Variants in MAPK6 observed in about 807,000 individuals in gnomAD.
MAPK6 encodes the protein ERK-3.
A neutral mutation model predicts 59.3 loss-of-function variants in MAPK6; 19 were observed. The observed-to-expected ratio is 0.32, with a 90% confidence interval of 0.22 to 0.47. The LOEUF (loss-of-function observed/expected upper bound fraction) is 0.47. MAPK6 is among the 20% of genes least tolerant of loss of function. The pLI, the probability that MAPK6 is intolerant of heterozygous loss-of-function variation, is 1.00. For synonymous variants in MAPK6, 316 were observed against 290.3 expected (o/e 1.09, Z -0.90); for missense variants, 724 against 847.9 (o/e 0.85, Z 1.81).
intron 3 of MAPK6, among the ~76,000 whole-genome samples, chr15:52,007,942 G>T (rs1425153747): frequency 6.6e-6 from 1 of 151,572 alleles, no homozygotes; most frequent in Non-Finnish European, 1.5e-5. Flanking sequence ...CACCTCCCAG[G>T]TTTAAGTGAT....
intron 4 of MAPK6, among the ~76,000 whole-genome samples, chr15:52,059,012 C>G (rs1260252628): frequency 1.3e-5 from 2 of 152,150 alleles, no homozygotes; most frequent in South Asian, 2.1e-4. Flanking sequence ...GAATCACTTT[C>G]CAGAGCAAGT....
exon 1 of MAPK6, chr15:51,971,865 T>C (rs2057127978): frequency 9.2e-7 from 1 of 1,092,602 alleles, no homozygotes. Flanking sequence ...TTTCCTTACG[T>C]GACCTAGTTT....
Position 52,054,984 on chromosome 15 carries a change from T to C in MAPK6, c.701-3649T>C, listed in dbSNP as rs573773578. ...TGTATTTTTAGTAGTTTCACCCTTT[T>C]GGCCAGGCCGGTCTCAAATTCCTGA... On this transcript the variant is annotated intron_variant, in intron 3 of 5. Transcript: ENST00000261845. 2.0e-5 allele frequency among the ~76,000 whole-genome samples: 3 copies of C among 152,292 alleles called. No homozygotes were observed. In the East Asian group the frequency reaches 5.8e-4, roughly 29 times the overall value.
In MAPK6 at chr15:51,978,370, G is replaced by A. The variant is rs536030605; in HGVS notation, c.-879-4836G>A. Among the ~76,000 whole-genome samples, 9 of 152,008 alleles carry A rather than the reference G, an allele frequency of 5.9e-5. No individual in the cohort carries two copies. In the East Asian group the frequency reaches 1.5e-3, roughly 26 times the overall value. On this transcript the variant is annotated intron_variant, in intron 1 of 7. Coordinates refer to the MAPK6 transcript ENST00000691380. ...GCTGGTCTCAAACTCCTGACCTCAG[G>A]TGATCCACCGGCCTTGGCCTCCCAG...
At chr15:52,005,468 A>T (rs2057255504) in intron 3 of MAPK6, among the ~76,000 whole-genome samples, 1 of 152,020 alleles carries the variant, frequency 6.6e-6, no homozygotes, top group African/African-American at 2.4e-5. Flanking sequence ...TGGAGGTTGC[A>T]GTGAGCCAAG....
At chr15:52,053,841 G>A (rs527661154) in intron 3 of MAPK6, among the ~76,000 whole-genome samples, 9 of 151,682 alleles carry the variant, frequency 5.9e-5, no homozygotes, top group African/African-American at 1.9e-4. Context: ...GGTTCACCAC[G>A]TTGGTCAGGC....
At chr15:52,004,732 C>T (rs538955182) in intron 3 of MAPK6, among the ~76,000 whole-genome samples, 2 of 152,278 alleles carry the variant, frequency 1.3e-5, no homozygotes, top group East Asian at 3.9e-4. Flanking sequence ...CTTGAAGCTT[C>T]CAGCTTTATT....
rs527450665 is a variant in MAPK6, at chr15:52,056,131, G to C, written c.701-2502G>C. ...AGGACCAAGCACTCATTGGAAATCA[G>C]TGTGTTTTTAGCCTGTGTGTCTTAT... On this transcript the variant is annotated intron_variant, in intron 3 of 5. Coordinates refer to ENST00000261845, the MANE Select transcript of MAPK6 (RefSeq NM_002748.4). Among the ~76,000 whole-genome samples the C allele has an allele frequency of 1.8e-3, 272 of 152,302 alleles. 1 individual carries two copies. The highest frequency in any genetic ancestry group is 6.1e-3 in the African/African-American group (253 of 41,564).
chr15:52,058,132 A>G (rs970337362), intron 3 of MAPK6, among the ~76,000 whole-genome samples: 3 of 150,544 alleles, frequency 2.0e-5, no homozygotes, highest in Admixed American at 6.6e-5. Context: ...TATTTAGCCT[A>G]AAGTTTCCCC....
At chr15:51,981,524 A>G (rs1487362596) in intron 1 of MAPK6, among the ~76,000 whole-genome samples, 2 of 152,188 alleles carry the variant, frequency 1.3e-5, no homozygotes, top group Non-Finnish European at 2.9e-5. Context: ...TGTGAAGAAA[A>G]AAAGAACAGA....
intron 2 of MAPK6, among the ~76,000 whole-genome samples, chr15:52,048,409 A>C (rs541608636): frequency 2.0e-5 from 3 of 152,156 alleles, no homozygotes. Context: ...ACCTGAGGTC[A>C]GGAGTTTGAG....
chr15:52,057,843 A>G (rs2032043032), intron 3 of MAPK6, among the ~76,000 whole-genome samples: 1 of 152,158 alleles, frequency 6.6e-6, no homozygotes, highest in Admixed American at 6.5e-5. Flanking sequence ...CTTTTTCTTT[A>G]TAGCATATGT....
At chr15:52,029,323 A>C (rs1396025281) in intron 1 of MAPK6, among the ~76,000 whole-genome samples, 1 of 151,794 alleles carries the variant, frequency 6.6e-6, no homozygotes, top group South Asian at 2.1e-4. Flanking sequence ...GTTTTTTTTT[A>C]ATTATTAAAC....
chr15:52,040,772 A>C (rs1373617360), intron 1 of MAPK6, among the ~76,000 whole-genome samples: 1 of 152,226 alleles, frequency 6.6e-6, no homozygotes, highest in Non-Finnish European at 1.5e-5. Flanking sequence ...GTTGTGGCTA[A>C]TGCAGTTTCA....
intron 2 of MAPK6, among the ~76,000 whole-genome samples, chr15:51,991,677 G>A (rs1030460426): frequency 2.0e-5 from 3 of 152,208 alleles, no homozygotes; most frequent in Non-Finnish European, 4.4e-5. Flanking sequence ...AGTTCTCTGA[G>A]GGTCTAGGGT....
chr15:52,048,136 ATTATTT>A (rs1202671417), intron 2 of MAPK6, among the ~76,000 whole-genome samples: 2 of 151,972 alleles, frequency 1.3e-5, no homozygotes, highest in South Asian at 2.1e-4. Context: ...TCACGTTAAG[ATTATTT>A]TTATTTTTAT....
chr15:51,986,025 A>G (rs1184563042), intron 2 of MAPK6, among the ~76,000 whole-genome samples: 1 of 152,210 alleles, frequency 6.6e-6, no homozygotes, highest in Non-Finnish European at 1.5e-5. Context: ...TCACACTATT[A>G]TAAAGAACTA....
At chr15:52,062,524 C>T (rs1011951183) in intron 5 of MAPK6, among the ~76,000 whole-genome samples, 3 of 152,046 alleles carry the variant, frequency 2.0e-5, no homozygotes, top group East Asian at 3.9e-4. Flanking sequence ...CAGCACTTTG[C>T]GAGGCTGAGG....
At chr15:52,039,550 C>CTGTT (rs1376567179) in intron 1 of MAPK6, among the ~76,000 whole-genome samples, 1 of 123,896 alleles carries the variant, frequency 8.1e-6, no homozygotes, top group Non-Finnish European at 1.6e-5. Context: ...GGGTCTCACT[C>CTGTT]TGTTGCCCAA....
Sources: gnomAD v4.1 joint callset for allele counts (sites outside exome capture counted in the v4.1 genomes callset) on GRCh38, gnomAD v4.1.1 for gene constraint, MANE v1.5 for transcripts, NCBI Gene and HGNC (gene_info 2026-07-23, HGNC 2026-07-21) for gene names.